Variants in FAT1 observed in about 807,000 individuals in gnomAD.
FAT1 encodes protocadherin Fat 1.
A neutral mutation model predicts 329.8 loss-of-function variants in FAT1; 171 were observed. That is an observed-to-expected ratio of 0.52 (90% CI 0.46 to 0.59). FAT1 has a LOEUF of 0.59. Among genes scored for constraint, FAT1 ranks in the 20% least tolerant of loss-of-function variants. The pLI is 0.00. For synonymous variants in FAT1, 2,233 were observed against 2,228.6 expected (o/e 1.00, Z -0.06); for missense variants, 5,672 against 5,774.4 (o/e 0.98, Z 0.57).
In FAT1 at chr4:186,620,028, G is replaced by T; in HGVS notation, c.6558C>A (p.Phe2186Leu). ...NKAMPVFEKPFYSAEIAESIQ... is the reference protein window; with the variant it reads ...NKAMPVFEKPLYSAEIAESIQ... ...TGCTCTCTGCAATCTCTGCACTGTA[G>T]AAAGGTTTTTCAAACACAGGCATGG... Residue 2186 changes from phenylalanine (F) to leucine (L), a missense_variant, in exon 10 of 27, where the codon TTC (phenylalanine) becomes TTA (leucine). Around this residue, in one of 2 missense-constraint regions of FAT1, gnomAD observed 3,966 missense variants for 3,915.2 expected, o/e 1.01. Transcript: ENST00000441802. The T allele has an allele frequency of 6.2e-7, 1 of 1,614,012 alleles. No homozygotes were observed. Among genetic ancestry groups the T allele is most frequent in the Non-Finnish European group, 8.5e-7 (1 of 1,179,894 alleles).
In FAT1 at chr4:186,589,156, G is replaced by A. The variant is rs749545474; in HGVS notation, c.13203C>T (p.Pro4401=). ...TCTGCTCATCAATCACCTCATAGTT[G>A]GGGAACTCTTGTATGTCCGGCAGAG... ...SVPLPDIQEF[P]NYEVIDEQTP... The change falls in exon 27 of 27, where the codon CCC becomes CCT. Residue 4401 remains proline, a synonymous_variant. Coordinates refer to ENST00000441802, the MANE Select transcript of FAT1 (RefSeq NM_005245.4). The A allele has an allele frequency of 1.2e-6, 2 of 1,613,802 alleles. No homozygotes were observed. The highest frequency in any genetic ancestry group is 1.7e-6 in the Non-Finnish European group (2 of 1,179,866).
chr4:186,649,132 G>A (rs946778969), intron 3 of FAT1, among the ~76,000 whole-genome samples: 23 of 151,874 alleles, frequency 1.5e-4, no homozygotes, highest in East Asian at 1.9e-4. Flanking sequence ...AGAAGTGGCC[G>A]GGAGAGCCCA....
In FAT1 at chr4:186,618,666, T is replaced by C. The variant is rs2126497719; in HGVS notation, c.7920A>G (p.Glu2640=). Residue 2640 remains glutamate, a synonymous_variant, in exon 10 of 27, where the codon GAA becomes GAG. Transcript: ENST00000441802. ...TAATTTCCAAATTCTCTTTTACACT[T>C]TCAGAGTCTGCTTCAATGGCATAGG... ...DITYAIEADS[E]SVKENLEINK... is the part of the protein sequence containing the mutation. 6.2e-7 allele frequency: 1 copy of C among 1,614,034 alleles called. No homozygotes were observed. Among genetic ancestry groups the C allele is most frequent in the Non-Finnish European group, 8.5e-7 (1 of 1,179,894 alleles).
At position 186,619,676 on chromosome 4, in the gene FAT1, G is replaced by C; in HGVS notation, c.6910C>G (p.Gln2304Glu). ...EASVIGTSVV[Q>E]VRATDSDSEP... The stretch of plus-strand genomic sequence containing the variant: ...GAATCAGAATCGGTGGCTCTAACTT[G>C]AACAACAGACGTTCCAATTACAGAT... The change falls in exon 10 of 27, where the codon CAA becomes GAA. Residue 2304 changes from glutamine (Q) to glutamate (E), a missense_variant. This residue lies in a region of FAT1 where 3,966 missense variants were observed against 3,915.2 expected (regional missense o/e 1.01). Transcript: ENST00000441802. The C allele has an allele frequency of 6.2e-7, 1 of 1,613,924 alleles. No homozygotes were observed.
intron 14 of FAT1, among the ~76,000 whole-genome samples, chr4:186,610,685 A>T (rs866511470): frequency 1.2e-3 from 91 of 75,654 alleles, no homozygotes; most frequent in South Asian, 1.7e-3. Context: ...ATAAATATAA[A>T]TTATATAATT....
intron 2 of FAT1, among the ~76,000 whole-genome samples, chr4:186,675,861 A>C (rs1742933304): frequency 6.6e-6 from 1 of 152,000 alleles, no homozygotes; most frequent in African/African-American, 2.4e-5. Flanking sequence ...TTTTTCAACA[A>C]GGGACTTAAT....
chr4:186,718,072 G>T (rs759142940), intron 1 of FAT1, among the ~76,000 whole-genome samples: 1 of 152,162 alleles, frequency 6.6e-6, no homozygotes, highest in Non-Finnish European at 1.5e-5. Context: ...TTTATACGTT[G>T]AATTGGGCTC....
chr4:186,685,575 C>A (rs1465444602), intron 2 of FAT1, among the ~76,000 whole-genome samples: 2 of 152,212 alleles, frequency 1.3e-5, no homozygotes, highest in African/African-American at 4.8e-5. Flanking sequence ...CCTTTGACTG[C>A]ATCTCAGAGG....
chr4:186,594,221 A>G lies in FAT1; in HGVS notation c.13138+1468T>C, dbSNP rs184274856. Among the ~76,000 whole-genome samples the G allele has an allele frequency of 6.3e-3, 951 of 151,958 alleles. 8 individuals are homozygous for G. Among genetic ancestry groups the G allele is most frequent in the African/African-American group, 0.022 (910 of 41,456 alleles). On this transcript the variant is annotated intron_variant, in intron 26 of 26. Transcript: ENST00000441802. Reference sequence around the variant, plus strand: ...GCTGGGAGTACAGGTGCCCACCACCACGCCCGGCTGATTTTTTTTATATTT... The same window carrying G: ...GCTGGGAGTACAGGTGCCCACCACCGCGCCCGGCTGATTTTTTTTATATTT...
chr4:186,706,597 A>G lies in FAT1; in HGVS notation c.3231T>C (p.Ser1077=), dbSNP rs200587838. Residue 1077 remains serine, a synonymous_variant, in exon 2 of 27, where the codon TCT becomes TCC. Coordinates refer to ENST00000441802, the MANE Select transcript of FAT1 (RefSeq NM_005245.4). ...CACCTATTTTGAAAACACCAACGCC[A>G]GAGCCATCTCTAATGGAGTATCGGA... ...GEIRYSIRDG[S]GVGVFKIGEE... The G allele has an allele frequency of 1.1e-5, 17 of 1,612,738 alleles. No individual in the cohort carries two copies. The East Asian group carries it at 3.8e-4, about 36-fold the overall frequency.
At position 186,620,655 on chromosome 4, in the gene FAT1, T is replaced by C. The variant is rs777205831; in HGVS notation, c.5931A>G (p.Leu1977=). The change falls in exon 10 of 27, where the codon CTA becomes CTG. Residue 1977 remains leucine, a synonymous_variant. Transcript: ENST00000441802. ...INVKESKESH[L]KFTQDVYSAV... ...CAGAGTAGACATCCTGGGTAAACTT[T>C]AGGTGACTTTCTTTGCTTTCTTTCA... The C allele has an allele frequency of 2.5e-6, 4 of 1,614,002 alleles. No homozygotes were observed. The highest frequency in any genetic ancestry group is 1.1e-5 in the South Asian group (1 of 91,084).
intron 26 of FAT1, chr4:186,590,419 T>C (rs1306841170): frequency 7.8e-7 from 1 of 1,287,922 alleles, no homozygotes; most frequent in African/African-American, 1.5e-5. Flanking sequence ...GGTGGCAGAG[T>C]AGAAAAAAAA....
At chr4:186,678,574 T>C (rs957359611) in intron 2 of FAT1, among the ~76,000 whole-genome samples, 5 of 148,800 alleles carry the variant, frequency 3.4e-5, no homozygotes, top group African/African-American at 1.2e-4. Flanking sequence ...ATATTGTCAT[T>C]AATATCAATT....
intron 2 of FAT1, among the ~76,000 whole-genome samples, chr4:186,676,250 TA>T (rs1742952958): frequency 1.4e-5 from 2 of 143,828 alleles, no homozygotes; most frequent in South Asian, 4.5e-4. Context: ...AAAGTGATTT[TA>T]AAAAAATAAA....
At chr4:186,686,147 A>T (rs914972520) in intron 2 of FAT1, among the ~76,000 whole-genome samples, 3 of 152,078 alleles carry the variant, frequency 2.0e-5, no homozygotes, top group South Asian at 4.1e-4. Flanking sequence ...ATGATTAAAG[A>T]TGCATTCATT....
At chr4:186,590,302 A>AC (rs1197398635) in intron 26 of FAT1, 1 of 1,059,238 alleles carries the variant, frequency 9.4e-7, no homozygotes, top group African/African-American at 1.6e-5. Flanking sequence ...GTCAGTCAGC[A>AC]CTGGGGCAAG....
chr4:186,718,616 G>C (rs529094234), intron 1 of FAT1, among the ~76,000 whole-genome samples: 1 of 152,176 alleles, frequency 6.6e-6, no homozygotes, highest in Non-Finnish European at 1.5e-5. Flanking sequence ...GCAGTGAGCC[G>C]AGATTGCGCC....
intron 26 of FAT1, among the ~76,000 whole-genome samples, chr4:186,591,497 T>C (rs1248927409): frequency 6.6e-6 from 1 of 152,248 alleles, no homozygotes; most frequent in Non-Finnish European, 1.5e-5. Context: ...TTTTGTTACG[T>C]AGGCACTAGT....
chr4:186,607,524 C>T (rs1320370116), intron 16 of FAT1, among the ~76,000 whole-genome samples: 2 of 150,366 alleles, frequency 1.3e-5, no homozygotes, highest in African/African-American at 4.9e-5. Flanking sequence ...ACTAGATGGA[C>T]AGGTGGGTAG....
Sources: gnomAD v4.1 joint callset for allele counts (sites outside exome capture counted in the v4.1 genomes callset) on GRCh38, gnomAD v4.1.1 for gene constraint, gnomAD v4.1.1 regional missense constraint, MANE v1.5 for transcripts, NCBI Gene and HGNC (gene_info 2026-07-23, HGNC 2026-07-21) for gene names.